EP300: variants seen among roughly 807,000 people sequenced by gnomAD.
The protein encoded by EP300 is EP300 lysine acetyltransferase, also known as histone acetyltransferase p300.
In EP300, 31 loss-of-function variants were observed where a neutral mutation model predicts 264.0. That is an observed-to-expected ratio of 0.12 (90% CI 0.09 to 0.16). The LOEUF (loss-of-function observed/expected upper bound fraction) is 0.16, where lower values mean the gene tolerates loss of function less well. Ranked by LOEUF, EP300 falls within the 10% of genes least tolerant of loss-of-function variation. EP300 has a pLI of 1.00. For missense variants in EP300, 2,766 were observed against 3,052.9 expected (o/e 0.91, Z 2.21); for synonymous variants, 1,340 against 1,045.4 (o/e 1.28, Z -5.44).
At chr22:41,133,673 T>A (rs2058933393) in intron 6 of EP300, among the ~76,000 whole-genome samples, 1 of 152,216 alleles carries the variant, frequency 6.6e-6, no homozygotes, top group Admixed American at 6.5e-5. Context: ...ATACTGCTAT[T>A]TTTTACTTTC....
At chr22:41,127,771 T>C (rs764196648) in intron 4 of EP300, 23 bp downstream of exon 4, 2 of 1,613,770 alleles carry the variant, frequency 1.2e-6, no homozygotes, top group Non-Finnish European at 1.7e-6. Context: ...ACAGGGTTAC[T>C]GTACTTAGCA....
chr22:41,170,917 C>T (rs1406888225), intron 27 of EP300, among the ~76,000 whole-genome samples: 1 of 150,774 alleles, frequency 6.6e-6, no homozygotes, highest in African/African-American at 2.4e-5. Flanking sequence ...CCCGCCTTGG[C>T]CTCCCAAAGT....
chr22:41,162,625 A>AT (rs945452265), intron 20 of EP300, 98 bp from the exon 21 acceptor site: 1 of 914,502 alleles, frequency 1.1e-6, no homozygotes, highest in Non-Finnish European at 1.8e-6. Context: ...AAAAACCTGA[A>AT]TCTCTATATA....
intron 10 of EP300, among the ~76,000 whole-genome samples, chr22:41,146,138 A>G (rs552668726): frequency 6.6e-6 from 1 of 151,548 alleles, no homozygotes; most frequent in African/African-American, 2.4e-5. Flanking sequence ...GTTAAACAAT[A>G]ACATATTAAA....
At chr22:41,154,865 T>A (rs1322717353) in intron 16 of EP300, 130 bp from the exon 17 acceptor site, 3 of 706,776 alleles carry the variant, frequency 4.2e-6, no homozygotes, top group Non-Finnish European at 7.6e-6. Flanking sequence ...GTAGTGATAT[T>A]TCCATGGGGA....
At chr22:41,112,313 C>T (rs2058796786) in intron 1 of EP300, among the ~76,000 whole-genome samples, 1 of 152,112 alleles carries the variant, frequency 6.6e-6, no homozygotes, top group African/African-American at 2.4e-5. Context: ...CTTCAGCCTC[C>T]CAAGTAGCTG....
rs1342425406 is a variant in EP300, at chr22:41,152,027, A to G, written c.2997+15A>G. 2.5e-6 allele frequency: 4 copies of G among 1,614,138 alleles called. No homozygotes were observed. Among genetic ancestry groups the G allele is most frequent in the Admixed American group, 3.3e-5 (2 of 60,028 alleles). ...ATATTTCAGAGGTGAGAGTAGGGCA[A>G]TTACTGTTTGATTTGGTTAGGACCT... On this transcript the variant is annotated intron_variant, in intron 15 of 30. Transcript: ENST00000263253.
chr22:41,170,261 T>TA, intron 26 of EP300, 145 bp from the exon 27 acceptor site: 4 of 726,230 alleles, frequency 5.5e-6, no homozygotes, highest in Non-Finnish European at 9.0e-6. Context: ...CTCACAATGT[T>TA]AATCTCATTC....
chr22:41,152,641 G>T (rs958466466), intron 16 of EP300, among the ~76,000 whole-genome samples: 3 of 151,976 alleles, frequency 2.0e-5, no homozygotes, highest in Non-Finnish European at 4.4e-5. Context: ...AGAAATGTTT[G>T]TAAATAGCCT....
chr22:41,139,017 T>TCGGCTGGCTACTGCAACCTCC (rs2058967681), intron 8 of EP300, among the ~76,000 whole-genome samples: 1 of 152,108 alleles, frequency 6.6e-6, no homozygotes, highest in Non-Finnish European at 1.5e-5. Flanking sequence ...TGTCGTGATC[T>TCGGCTGGCTACTGCAACCTCC]CGGCTGGCTA....
At chr22:41,163,697 A>G (rs913087972) in intron 21 of EP300, among the ~76,000 whole-genome samples, 3 of 151,936 alleles carry the variant, frequency 2.0e-5, no homozygotes, top group Non-Finnish European at 2.9e-5. Context: ...AAGTGAGCTG[A>G]TATGACGCCA....
rs541290695 is a variant in EP300, at chr22:41,131,089, G to A, written c.1283-299G>A. On this transcript the variant is annotated intron_variant, in intron 5 of 30. Transcript: ENST00000263253. ...TAGTGTAGGCAGAAATGATGCTGCC[G>A]GGTGTTGGCAGTTGAATGGCTCCAA... 1.8e-4 allele frequency among the ~76,000 whole-genome samples: 27 copies of A among 152,270 alleles called. 1 individual carries two copies. The highest frequency in any genetic ancestry group is 1.3e-3 in the Admixed American group (20 of 15,290).
In EP300 at chr22:41,135,866, C is replaced by A. The variant is rs1365968069; in HGVS notation, c.1582C>A (p.Leu528Ile). Residue 528 changes from leucine to isoleucine, a missense_variant, in exon 7 of 31, where the codon CTT becomes ATT. Leu to Ile is a conservative substitution (Grantham distance 5, BLOSUM62 2). Coordinates refer to ENST00000263253, the MANE Select transcript of EP300 (RefSeq NM_001429.4). ...TGTAGGAGTTCAAACGCCGAGTCTT[C>A]TTTCTGACTCAATGTTGCATTCAGC... ...GGVGVQTPSL[L>I]SDSMLHSAIN... 1 of 1,614,106 alleles carries A rather than the reference C, an allele frequency of 6.2e-7. No individual in the cohort carries two copies. The highest frequency in any genetic ancestry group is 8.5e-7 in the Non-Finnish European group (1 of 1,179,992).
chr22:41,113,980 T>C (rs910907886), intron 1 of EP300, among the ~76,000 whole-genome samples: 1 of 152,244 alleles, frequency 6.6e-6, no homozygotes, highest in African/African-American at 2.4e-5. Context: ...TTTTTTGCCC[T>C]CTATGTTCAG....
chr22:41,177,735 T>A lies in EP300; in HGVS notation c.6024T>A (p.Ser2008=). Residue 2008 remains serine, a synonymous_variant, in exon 31 of 31, where the codon TCT becomes TCA. Coordinates refer to ENST00000263253, the MANE Select transcript of EP300 (RefSeq NM_001429.4). ...GGLPQPQQLQ[S]GMPRPAMMSV... is the part of the protein sequence containing the mutation. The stretch of plus-strand genomic sequence containing the variant: ...TGCCTCAGCCCCAGCAACTACAGTC[T>A]GGGATGCCAAGGCCAGCCATGATGT... 1.2e-6 allele frequency: 2 copies of A among 1,613,774 alleles called. No homozygotes were observed. Among genetic ancestry groups the A allele is most frequent in the Non-Finnish European group, 1.7e-6 (2 of 1,179,994 alleles).
intron 14 of EP300, among the ~76,000 whole-genome samples, chr22:41,151,393 G>A (rs2059044220): frequency 6.6e-6 from 1 of 152,106 alleles, no homozygotes; most frequent in South Asian, 2.1e-4. Context: ...AGAATCTAGC[G>A]ATTCAAAACA....
In EP300 at chr22:41,177,345, C is replaced by T. The variant is rs768483167; in HGVS notation, c.5634C>T (p.Thr1878=). The T allele has an allele frequency of 2.7e-5, 43 of 1,613,948 alleles. No individual in the cohort carries two copies. Among genetic ancestry groups the T allele is most frequent in the East Asian group, 4.5e-5 (2 of 44,874 alleles). Residue 1878 remains threonine (T), a synonymous_variant, in exon 31 of 31, where the codon ACC becomes ACT. Coordinates refer to ENST00000263253, the MANE Select transcript of EP300 (RefSeq NM_001429.4). The part of the protein sequence containing the change: ...TPQPTSQPQP[T]PPNSMPPYLP... ...AGCCCACTTCTCAGCCTCAGCCTAC[C>T]CCTCCCAATAGCATGCCACCCTACT... is the stretch of plus-strand genomic sequence containing the variant.
chr22:41,135,725 T>C (rs922229378), intron 6 of EP300, 88 bp from the exon 7 acceptor site: 34 of 1,063,648 alleles, frequency 3.2e-5, no homozygotes, highest in Non-Finnish European at 4.3e-5. Flanking sequence ...TTTTTTCTGA[T>C]TTGTCATTTG....
At chr22:41,171,131 C>T (rs978087802) in intron 27 of EP300, among the ~76,000 whole-genome samples, 1 of 151,654 alleles carries the variant, frequency 6.6e-6, no homozygotes, top group East Asian at 1.9e-4. Flanking sequence ...AAACATGTAA[C>T]CAAAATTTTA....
Sources: gnomAD v4.1 joint callset for allele counts (sites outside exome capture counted in the v4.1 genomes callset) on GRCh38, gnomAD v4.1.1 for gene constraint, MANE v1.5 for transcripts, NCBI Gene and HGNC (gene_info 2026-07-23, HGNC 2026-07-21) for gene names.